The following SNTG1 variants were observed in gnomAD, a reference collection of about 807,000 sequenced individuals.
SNTG1 encodes gamma-1-syntrophin.
Under a neutral mutation model 74.7 loss-of-function variants are expected in SNTG1, and 39 were observed. The observed-to-expected ratio is 0.52, with a 90% CI of 0.40 to 0.68. The LOEUF (loss-of-function observed/expected upper bound fraction) is 0.68, where lower values mean the gene tolerates loss of function less well. Among genes scored for constraint, SNTG1 ranks in the 30% least tolerant of loss-of-function variants. The pLI, the probability that SNTG1 is intolerant of heterozygous loss-of-function variation, is 0.00. For missense variants in SNTG1, 685 were observed against 609.5 expected (o/e 1.12, Z -1.30); for synonymous variants, 254 against 217.1 (o/e 1.17, Z -1.49).
At chr8:50,530,583 T>G (rs892232425) in intron 10 of SNTG1, among the ~76,000 whole-genome samples, 2 of 152,192 alleles carry the variant, frequency 1.3e-5, no homozygotes, top group African/African-American at 4.8e-5. Flanking sequence ...GACATTAGTT[T>G]TCTCACTTTT....
intron 17 of SNTG1, among the ~76,000 whole-genome samples, chr8:50,714,744 G>A (rs886276897): frequency 1.3e-5 from 2 of 152,014 alleles, no homozygotes; most frequent in Non-Finnish European, 2.9e-5. Flanking sequence ...GAAAGCTGGA[G>A]AAACAGATTG....
intron 13 of SNTG1, 106 bp downstream of exon 13, chr8:50,591,023 C>CTAG: frequency 1.5e-6 from 1 of 665,666 alleles, no homozygotes. Flanking sequence ...TTGGTACTGT[C>CTAG]ATTTACTATC....
chr8:49,960,823 CCCT>C (rs1406559401), intron 1 of SNTG1, among the ~76,000 whole-genome samples: 1 of 152,072 alleles, frequency 6.6e-6, no homozygotes, highest in Non-Finnish European at 1.5e-5. Flanking sequence ...ATGCATCCTG[CCCT>C]CCTCCTCCTC....
chr8:49,970,800 G>T (rs1164367354), intron 1 of SNTG1, among the ~76,000 whole-genome samples: 1 of 152,142 alleles, frequency 6.6e-6, no homozygotes, highest in African/African-American at 2.4e-5. Flanking sequence ...GCTCTGGTTA[G>T]GGAATGATGC....
chr8:50,544,401 A>AC (rs2094371092), intron 11 of SNTG1, among the ~76,000 whole-genome samples: 1 of 152,044 alleles, frequency 6.6e-6, no homozygotes, highest in African/African-American at 2.4e-5. Context: ...AACATATTCT[A>AC]TTTTTAATCT....
intron 1 of SNTG1, among the ~76,000 whole-genome samples, chr8:50,023,694 T>C (rs1817022420): frequency 6.6e-6 from 1 of 152,170 alleles, no homozygotes; most frequent in South Asian, 2.1e-4. Flanking sequence ...CCACCACATC[T>C]TTCAAAGACT....
At chr8:50,317,037 T>C (rs1324857121) in intron 2 of SNTG1, among the ~76,000 whole-genome samples, 1 of 152,176 alleles carries the variant, frequency 6.6e-6, no homozygotes, top group African/African-American at 2.4e-5. Context: ...TAGTGAGTGA[T>C]TGTCACTGAA....
At position 50,728,309 on chromosome 8, in the gene SNTG1, G is replaced by A. The variant is rs188064807; in HGVS notation, c.1284+19331G>A. On this transcript the variant is annotated intron_variant, in intron 17 of 18. Transcript: ENST00000642720. ...CAAACTCTGAGGGTGATGCAGCGCC[G>A]AGGGCACCACTAGGTGTCTTGATGA... Among the ~76,000 whole-genome samples, 145 of 152,266 alleles carry A rather than the reference G, an allele frequency of 9.5e-4. 2 individuals carry two copies. The highest frequency in any genetic ancestry group is 6.8e-3 in the Middle Eastern group (2 of 294).
At chr8:50,742,539 T>C (rs1467840027) in intron 17 of SNTG1, among the ~76,000 whole-genome samples, 2 of 151,580 alleles carry the variant, frequency 1.3e-5, no homozygotes, top group Non-Finnish European at 2.9e-5. Context: ...AGTATAAGTA[T>C]ATATATATTA....
chr8:50,381,859 G>T (rs1221225911), intron 2 of SNTG1: 2 of 132,446 alleles, frequency 1.5e-5, no homozygotes, highest in Non-Finnish European at 3.3e-5. Flanking sequence ...TATATGAAGG[G>T]GAGTTTATTA....
intron 2 of SNTG1, among the ~76,000 whole-genome samples, chr8:50,266,102 GA>G (rs2087451484): frequency 6.6e-6 from 1 of 151,540 alleles, no homozygotes; most frequent in East Asian, 1.9e-4. Flanking sequence ...TATTCATGTG[GA>G]AATGCAAAGG....
intron 1 of SNTG1, among the ~76,000 whole-genome samples, chr8:49,976,762 A>T (rs544978132): frequency 3.3e-5 from 5 of 152,324 alleles, no homozygotes; most frequent in Non-Finnish European, 5.9e-5. Context: ...AGTCCTGATC[A>T]TGCAGGATAC....
rs972784655 is a variant in SNTG1, at chr8:50,437,718, A to C, written c.163-825A>C. Among the ~76,000 whole-genome samples the C allele has an allele frequency of 3.9e-5, 6 of 152,322 alleles. No individual in the cohort carries two copies. In the East Asian group the frequency reaches 5.8e-4, roughly 15 times the overall value. ...GGGGAATGTTCAAAAAGATTGATGTAATGGAGCAAGCTATAAGTTAAAGCG... is the reference window on the plus strand; with the variant it reads ...GGGGAATGTTCAAAAAGATTGATGTCATGGAGCAAGCTATAAGTTAAAGCG... On this transcript the variant is annotated intron_variant, in intron 4 of 18. Coordinates refer to ENST00000642720, the MANE Select transcript of SNTG1 (RefSeq NM_018967.5).
intron 13 of SNTG1, chr8:50,643,927 T>A (rs960274847): frequency 6.6e-6 from 1 of 152,182 alleles, no homozygotes; most frequent in African/African-American, 2.4e-5. Flanking sequence ...TTTGAATGGC[T>A]TTAAGCACTA....
intron 2 of SNTG1, among the ~76,000 whole-genome samples, chr8:50,186,375 AT>A (rs935747854): frequency 9.3e-4 from 141 of 152,220 alleles, no homozygotes; most frequent in African/African-American, 3.3e-3. Context: ...CAATAATGGG[AT>A]TTCCTATGGT....
chr8:49,951,034 CAA>C (rs943111600), intron 1 of SNTG1, among the ~76,000 whole-genome samples: 11 of 152,274 alleles, frequency 7.2e-5, no homozygotes, highest in African/African-American at 2.6e-4. Flanking sequence ...AAAACCCTTA[CAA>C]TCTTAGGGTT....
At chr8:50,741,018 G>A (rs1331710937) in intron 17 of SNTG1, among the ~76,000 whole-genome samples, 2 of 151,974 alleles carry the variant, frequency 1.3e-5, no homozygotes, top group African/African-American at 4.8e-5. Context: ...AGGGAGAAGA[G>A]CAGGAAAAAT....
chr8:50,247,397 T>G (rs2086448423), intron 2 of SNTG1, among the ~76,000 whole-genome samples: 1 of 152,140 alleles, frequency 6.6e-6, no homozygotes, highest in Non-Finnish European at 1.5e-5. Flanking sequence ...AGGGGCCATT[T>G]TCAAGCTGAA....
intron 1 of SNTG1, among the ~76,000 whole-genome samples, chr8:49,912,659 T>C (rs1009350715): frequency 6.6e-6 from 1 of 152,204 alleles, no homozygotes; most frequent in African/African-American, 2.4e-5. Context: ...ATTGTTATAA[T>C]ATACTAAACT....
Sources: gnomAD v4.1 joint callset for allele counts (sites outside exome capture counted in the v4.1 genomes callset) on GRCh38, gnomAD v4.1.1 for gene constraint, MANE v1.5 for transcripts, NCBI Gene and HGNC (gene_info 2026-07-23, HGNC 2026-07-21) for gene names.